Variants in PDE4D observed in about 807,000 individuals in gnomAD.
The protein encoded by PDE4D is 3',5'-cyclic-AMP phosphodiesterase 4D.
Under a neutral mutation model 87.4 loss-of-function variants are expected in PDE4D, and 24 were observed. The observed-to-expected ratio is 0.27, with a 90% confidence interval of 0.20 to 0.39. PDE4D has a LOEUF of 0.39. Among genes scored for constraint, PDE4D ranks in the 10% least tolerant of loss-of-function variants. PDE4D has a pLI of 1.00. For missense variants in PDE4D, 714 were observed against 1,041.0 expected (o/e 0.69, Z 4.32); for synonymous variants, 384 against 383.2 (o/e 1.00, Z -0.02).
intron 1 of PDE4D, among the ~76,000 whole-genome samples, chr5:59,795,569 A>T (rs965354460): frequency 2.6e-5 from 4 of 152,216 alleles, no homozygotes; most frequent in Admixed American, 2.6e-4. Context: ...TTCTATATAT[A>T]TACTTCTACT....
chr5:60,397,041 C>A (rs1053203226), intron 1 of PDE4D, among the ~76,000 whole-genome samples: 10 of 152,198 alleles, frequency 6.6e-5, no homozygotes, highest in Non-Finnish European at 4.4e-5. Flanking sequence ...ACTACTAGCA[C>A]TCACAGTATT....
intron 5 of PDE4D, among the ~76,000 whole-genome samples, chr5:59,151,647 G>A (rs1234693412): frequency 1.3e-5 from 2 of 152,172 alleles, no homozygotes; most frequent in Non-Finnish European, 2.9e-5. Flanking sequence ...CGCTGTCCTA[G>A]TGGAACATAC....
At chr5:59,741,555 C>A (rs141590972) in intron 1 of PDE4D, among the ~76,000 whole-genome samples, 1 of 152,082 alleles carries the variant, frequency 6.6e-6, no homozygotes, top group East Asian at 1.9e-4. Context: ...ATAAAGTTGC[C>A]GTATATTTAT....
intron 1 of PDE4D, among the ~76,000 whole-genome samples, chr5:59,657,075 C>G (rs987868893): frequency 6.6e-6 from 1 of 152,132 alleles, no homozygotes; most frequent in Non-Finnish European, 1.5e-5. Context: ...ACTACTATTA[C>G]AGCTATTTTC....
chr5:60,110,095 A>G (rs1777519711), intron 2 of PDE4D, among the ~76,000 whole-genome samples: 2 of 152,106 alleles, frequency 1.3e-5, no homozygotes, highest in African/African-American at 4.8e-5. Flanking sequence ...TCAAATGCCA[A>G]AGCTATTTGA....
At chr5:59,677,452 AC>A (rs1748286461) in intron 1 of PDE4D, among the ~76,000 whole-genome samples, 2 of 152,208 alleles carry the variant, frequency 1.3e-5, no homozygotes, top group Admixed American at 1.3e-4. Flanking sequence ...ACCAACCTGA[AC>A]CATCTAGGGC....
chr5:59,858,039 T>TGCAG lies in PDE4D; in HGVS notation c.455+35125_455+35128dup, dbSNP rs373615535. Reference sequence around the variant, plus strand: ...GAGGGAGGGAGGGAGTAGGGAGGCATGCAGGCAGGCAGGAAGTCAAGCAGG... The same window carrying TGCAG: ...GAGGGAGGGAGGGAGTAGGGAGGCATGCAGGCAGGCAGGCAGGAAGTCAAGCAGG... On this transcript the variant is annotated intron_variant, in intron 1 of 14. Coordinates refer to ENST00000340635, the MANE Select transcript of PDE4D (RefSeq NM_001104631.2). Among the ~76,000 whole-genome samples, 83 of 151,798 alleles carry TGCAG rather than the reference T, an allele frequency of 5.5e-4. 4 individuals are homozygous for TGCAG. Among genetic ancestry groups the TGCAG allele is most frequent in the African/African-American group, 1.9e-3 (80 of 41,420 alleles).
intron 1 of PDE4D, among the ~76,000 whole-genome samples, chr5:59,392,173 C>T (rs1788367524): frequency 6.6e-6 from 1 of 151,606 alleles, no homozygotes; most frequent in Admixed American, 6.6e-5. Flanking sequence ...CTGGGTGTGT[C>T]TGTGAGGGTG....
intron 1 of PDE4D, among the ~76,000 whole-genome samples, chr5:59,619,382 G>C (rs1241383115): frequency 1.3e-5 from 2 of 152,108 alleles, no homozygotes; most frequent in Non-Finnish European, 2.9e-5. Context: ...ACTGATAAAG[G>C]GAATGCCTGA....
At chr5:59,884,532 A>G (rs1361477423) in intron 1 of PDE4D, among the ~76,000 whole-genome samples, 1 of 151,990 alleles carries the variant, frequency 6.6e-6, no homozygotes, top group African/African-American at 2.4e-5. Flanking sequence ...ATCATCATTT[A>G]TTTTACAATT....
chr5:59,804,142 C>G lies in PDE4D; in HGVS notation c.455+89026G>C, dbSNP rs149681642. 4.9e-3 allele frequency among the ~76,000 whole-genome samples: 745 copies of G among 152,300 alleles called. 3 individuals carry two copies. The highest frequency in any genetic ancestry group is 9.3e-3 in the Admixed American group (143 of 15,300). On this transcript the variant is annotated intron_variant, in intron 1 of 14. Coordinates refer to ENST00000340635, the MANE Select transcript of PDE4D (RefSeq NM_001104631.2). ...GCATCCATCACCGGAGCAGTGTACA[C>G]TGTACCCAATATGTAGTCTTTTATT...
At chr5:59,019,963 C>T (rs34876197) in intron 6 of PDE4D, among the ~76,000 whole-genome samples, 15,303 of 152,104 alleles carry the variant, frequency 0.1, 1,031 homozygotes, top group Non-Finnish European at 0.13. Context: ...ATAAGAACCT[C>T]TGGAGCAGAT....
In PDE4D at chr5:59,605,141, C is replaced by A. The variant is rs1199543979; in HGVS notation, c.455+288027G>T. On this transcript the variant is annotated intron_variant, in intron 1 of 14. Coordinates refer to ENST00000340635, the MANE Select transcript of PDE4D (RefSeq NM_001104631.2). Reference sequence around the variant, plus strand: ...GAAGGTGCTTAAAACTGCATATTGGCTGACAAAACATCAGAATATTTTTAT... The same window carrying A: ...GAAGGTGCTTAAAACTGCATATTGGATGACAAAACATCAGAATATTTTTAT... Among the ~76,000 whole-genome samples the A allele has an allele frequency of 2.0e-5, 3 of 152,026 alleles. No individual in the cohort carries two copies. In the East Asian group the frequency reaches 5.8e-4, roughly 29 times the overall value.
chr5:59,090,091 ATTAC>A (rs1242512862), intron 5 of PDE4D, among the ~76,000 whole-genome samples: 1 of 152,178 alleles, frequency 6.6e-6, no homozygotes, highest in African/African-American at 2.4e-5. Context: ...AACATTAGCA[ATTAC>A]TTACGGGATA....
At chr5:59,016,972 A>G (rs1191062545) in intron 6 of PDE4D, among the ~76,000 whole-genome samples, 1 of 152,194 alleles carries the variant, frequency 6.6e-6, no homozygotes, top group African/African-American at 2.4e-5. Flanking sequence ...ATGGGGGACT[A>G]TAAAATTAAG....
chr5:59,100,312 T>A (rs1770523064), intron 5 of PDE4D, among the ~76,000 whole-genome samples: 1 of 152,224 alleles, frequency 6.6e-6, no homozygotes, highest in Non-Finnish European at 1.5e-5. Context: ...CTACATACTG[T>A]AAGTTACTCC....
intron 2 of PDE4D, among the ~76,000 whole-genome samples, chr5:60,069,563 G>A (rs1004944411): frequency 6.6e-6 from 1 of 151,896 alleles, no homozygotes; most frequent in African/African-American, 2.4e-5. Context: ...TTTAATGCCA[G>A]TATCATATTG....
At chr5:59,661,074 T>TTATGTATATATATA in intron 1 of PDE4D, among the ~76,000 whole-genome samples, 1 of 140,074 alleles carries the variant, frequency 7.1e-6, no homozygotes, top group African/African-American at 2.7e-5. Flanking sequence ...CATGATAATA[T>TTATGTATATATATA]TATATATATA....
chr5:59,425,272 A>G (rs1795029112), intron 1 of PDE4D, among the ~76,000 whole-genome samples: 3 of 152,226 alleles, frequency 2.0e-5, no homozygotes, highest in Admixed American at 2.0e-4. Flanking sequence ...TCATCTAGAT[A>G]TAAATAAAGG....
Sources: gnomAD v4.1 joint callset for allele counts (sites outside exome capture counted in the v4.1 genomes callset) on GRCh38, gnomAD v4.1.1 for gene constraint, MANE v1.5 for transcripts, NCBI Gene and HGNC (gene_info 2026-07-23, HGNC 2026-07-21) for gene names.